C2CD5: variants seen among roughly 807,000 people sequenced by gnomAD.
C2CD5 encodes the protein C2 domain-containing protein 5.
Under a neutral mutation model 130.3 loss-of-function variants are expected in C2CD5, and 109 were observed. The observed-to-expected ratio is 0.84, with a 90% confidence interval of 0.72 to 0.98. C2CD5 has a LOEUF of 0.98. Ranked by LOEUF, C2CD5 falls within the 50% of genes least tolerant of loss-of-function variation. The probability of loss-of-function intolerance (pLI) is 0.00; values close to 1 mark genes in which losing one functional copy is unlikely to be tolerated. For missense variants in C2CD5, 996 were observed against 1,261.8 expected, an observed-to-expected ratio of 0.79 and a Z score of 3.19; for synonymous variants, 454 against 429.2, an observed-to-expected ratio of 1.06 and a Z score of -0.71.
chr12:22,482,787 C>T (rs776541046), intron 13 of C2CD5, 44 bp from the exon 14 acceptor site: 8 of 1,440,988 alleles, frequency 5.6e-6, no homozygotes, highest in Non-Finnish European at 7.7e-6. Flanking sequence ...TTGGTACCAC[C>T]TTTAAAAATG....
At chr12:22,478,000 AACAC>A (rs1240335746) in intron 15 of C2CD5, 1 of 280,944 alleles carries the variant, frequency 3.6e-6, no homozygotes, top group Admixed American at 4.7e-5. Context: ...AGACCAACAA[AACAC>A]ACACACTCAC....
At chr12:22,479,693 A>T (rs1028214644) in intron 14 of C2CD5, among the ~76,000 whole-genome samples, 2 of 152,174 alleles carry the variant, frequency 1.3e-5, no homozygotes, top group African/African-American at 4.8e-5. Flanking sequence ...TATTTTAAAT[A>T]TCTAATTAAA....
rs774116372 is a variant in C2CD5, at chr12:22,449,877, T to G, written c.3039A>C (p.Ile1013=). The change falls in exon 27 of 27, where the codon ATA becomes ATC. Residue 1013 remains isoleucine, a synonymous_variant. Coordinates refer to ENST00000446597, the MANE Select transcript of C2CD5 (RefSeq NM_001286176.2). ...NPNKNQAQCL[I]NVSGDAVVFV... ...AAACCACTGCATCACCACTTACATT[T>G]ATAAGACACTGTGCCTATAAGAACA... The G allele has an allele frequency of 6.2e-7, 1 of 1,609,060 alleles. No homozygotes were observed. Among genetic ancestry groups the G allele is most frequent in the Admixed American group, 1.7e-5 (1 of 59,936 alleles).
chr12:22,453,256 A>G (rs1187817592), intron 26 of C2CD5, among the ~76,000 whole-genome samples: 1 of 152,186 alleles, frequency 6.6e-6, no homozygotes, highest in Non-Finnish European at 1.5e-5. Flanking sequence ...AGCTTCATGC[A>G]TTCATCACAG....
intron 3 of C2CD5, among the ~76,000 whole-genome samples, chr12:22,533,162 G>T (rs180765214): frequency 3.3e-4 from 50 of 152,232 alleles, no homozygotes; most frequent in African/African-American, 1.1e-3. Flanking sequence ...AACTTGGGAA[G>T]GGGGGGTGGT....
chr12:22,498,515 T>C (rs1169648378), intron 10 of C2CD5, among the ~76,000 whole-genome samples: 6 of 152,226 alleles, frequency 3.9e-5, no homozygotes, highest in Non-Finnish European at 8.8e-5. Context: ...ATTATACTTA[T>C]TTTTATAGGA....
At chr12:22,504,048 T>C (rs1005295650) in intron 10 of C2CD5, among the ~76,000 whole-genome samples, 1 of 152,100 alleles carries the variant, frequency 6.6e-6, no homozygotes, top group Non-Finnish European at 1.5e-5. Flanking sequence ...GTAGTTACAA[T>C]ACACAAAACA....
chr12:22,512,698 T>TAA, intron 9 of C2CD5: 1 of 1,472,120 alleles, frequency 6.8e-7, no homozygotes, highest in South Asian at 1.4e-5. Flanking sequence ...TGAAGTTTAT[T>TAA]TAAAAAAAAA....
intron 10 of C2CD5, among the ~76,000 whole-genome samples, chr12:22,505,192 A>C (rs1055502556): frequency 2.6e-5 from 4 of 151,912 alleles, no homozygotes; most frequent in Non-Finnish European, 5.9e-5. Context: ...ATCCTCAAAA[A>C]TAGTCATTAT....
intron 15 of C2CD5, chr12:22,477,122 C>T (rs1943958013): frequency 6.6e-6 from 1 of 151,986 alleles, no homozygotes; most frequent in African/African-American, 2.4e-5. Context: ...CAGATAAAAT[C>T]CATTTTAATA....
chr12:22,474,179 T>C (rs1023906618), intron 16 of C2CD5, among the ~76,000 whole-genome samples: 1 of 152,170 alleles, frequency 6.6e-6, no homozygotes, highest in Admixed American at 6.6e-5. Context: ...GAAAAATCTA[T>C]CTCTTTGGGA....
At position 22,506,726 on chromosome 12, in the gene C2CD5, G is replaced by T; in HGVS notation, c.1132C>A (p.Arg378Ser). Residue 378 changes from arginine (R) to serine (S), a missense_variant, in exon 10 of 27, where the codon CGT (arginine) becomes AGT (serine). Physicochemically the swap from Arg to Ser is moderately radical, Grantham distance 110. Coordinates refer to ENST00000446597, the MANE Select transcript of C2CD5 (RefSeq NM_001286176.2). Reference protein sequence around the residue: ...VSARSVKLLDRIHNPDEPETR... With the variant: ...VSARSVKLLDSIHNPDEPETR... Reference sequence around the variant, plus strand: ...AAGAACATACCAGGATTGTGGATACGATCCAAAAGCTTCACAGAACGTGCA... The same window carrying T: ...AAGAACATACCAGGATTGTGGATACTATCCAAAAGCTTCACAGAACGTGCA... 1.3e-6 allele frequency: 2 copies of T among 1,575,936 alleles called. No individual in the cohort carries two copies. Among genetic ancestry groups the T allele is most frequent in the South Asian group, 1.1e-5 (1 of 90,266 alleles).
At chr12:22,524,434 C>T (rs1395680272) in intron 6 of C2CD5, 38 bp downstream of exon 6, 2 of 1,584,800 alleles carry the variant, frequency 1.3e-6, no homozygotes, top group Non-Finnish European at 1.7e-6. Flanking sequence ...TAAGAGAGTA[C>T]TAAATCAGTC....
intron 14 of C2CD5, among the ~76,000 whole-genome samples, chr12:22,480,000 A>T (rs542360519): frequency 3.3e-5 from 5 of 152,300 alleles, no homozygotes; most frequent in South Asian, 2.1e-4. Flanking sequence ...GGATTGATGA[A>T]GAAATCTGCA....
intron 10 of C2CD5, among the ~76,000 whole-genome samples, chr12:22,501,714 T>C (rs1387578938): frequency 1.3e-5 from 2 of 152,126 alleles, no homozygotes; most frequent in African/African-American, 4.8e-5. Context: ...GTTGGACTTA[T>C]CATATGGTTT....
chr12:22,506,624 T>C (rs1948571525), intron 10 of C2CD5, 87 bp downstream of exon 10: 1 of 752,334 alleles, frequency 1.3e-6, no homozygotes, highest in African/African-American at 1.8e-5. Flanking sequence ...TCTTTTCAGT[T>C]AGATTTGGCT....
chr12:22,457,150 C>T lies in C2CD5; in HGVS notation c.2698G>A (p.Glu900Lys). ...CCATCACCCACTGGACTTGCTTTTT[C>T]AACTGTCATGGCTAAAATTGGAGAA... The part of the protein sequence containing the change: ...RGSIKTTMTV[E>K]KASPVGDGNF... The change falls in exon 25 of 27, where the codon GAA becomes AAA. Residue 900 changes from glutamate to lysine, a missense_variant. Coordinates refer to ENST00000446597, the MANE Select transcript of C2CD5 (RefSeq NM_001286176.2). 4.4e-6 allele frequency: 7 copies of T among 1,600,144 alleles called. No individual in the cohort carries two copies. Among genetic ancestry groups the T allele is most frequent in the Non-Finnish European group, 6.0e-6 (7 of 1,174,588 alleles).
chr12:22,524,628 C>T lies in C2CD5; in HGVS notation c.446-1G>A. The T allele has an allele frequency of 6.2e-7, 1 of 1,602,624 alleles. No individual in the cohort carries two copies. The highest frequency in any genetic ancestry group is 1.3e-5 in the African/African-American group (1 of 74,496). On this transcript the variant is annotated splice_acceptor_variant, in intron 5 of 26. Coordinates refer to ENST00000446597, the MANE Select transcript of C2CD5 (RefSeq NM_001286176.2). LOFTEE classifies it high-confidence loss of function. ...CTATAGCATTTTGGAATAGACGTTG[C>T]TGTTAAAACAAATTATTATGCTTCT...
At position 22,544,111 on chromosome 12, in the gene C2CD5, G is replaced by C. The variant is rs1237085187; in HGVS notation, c.40C>G (p.His14Asp). 3.7e-6 allele frequency: 6 copies of C among 1,614,118 alleles called. No individual in the cohort carries two copies. The highest frequency in any genetic ancestry group is 5.1e-6 in the Non-Finnish European group (6 of 1,179,978). Residue 14 changes from histidine (H) to aspartate (D), a missense_variant, in exon 2 of 27, where the codon CAT becomes GAT. His to Asp is a moderately conservative substitution (Grantham distance 81, BLOSUM62 -1). Transcript: ENST00000446597. Reference sequence around the variant, plus strand: ...CTAGCACGGTCCATCACTGGCAAATGGCGCCCGGCCACGATTTTCACCTTC... The same window carrying C: ...CTAGCACGGTCCATCACTGGCAAATCGCGCCCGGCCACGATTTTCACCTTC... ...KLKVKIVAGR[H>D]LPVMDRASDL...
Sources: gnomAD v4.1 joint callset for allele counts (sites outside exome capture counted in the v4.1 genomes callset) on GRCh38, gnomAD v4.1.1 for gene constraint, MANE v1.5 for transcripts, NCBI Gene and HGNC (gene_info 2026-07-23, HGNC 2026-07-21) for gene names.